OCIAD2: variants seen among roughly 807,000 people sequenced by gnomAD.
OCIAD2 encodes OCIA domain containing 2, also known as OCIA domain-containing protein 2.
Under a neutral mutation model 22.9 loss-of-function variants are expected in OCIAD2, and 29 were observed. The ratio of observed to expected loss-of-function variants is 1.27; its 90% CI spans 0.94 to 1.73. OCIAD2 has a LOEUF of 1.73. Ranked by LOEUF, OCIAD2 falls within the 40% of genes most tolerant of loss-of-function variation. The probability of loss-of-function intolerance (pLI) is 0.00; values close to 1 mark genes in which losing one functional copy is unlikely to be tolerated. For synonymous variants in OCIAD2, 67 were observed against 60.2 expected, an observed-to-expected ratio of 1.11 and a Z score of -0.52; for missense variants, 189 against 180.3, an observed-to-expected ratio of 1.05 and a Z score of -0.28.
At chr4:48,895,234 A>T (rs1187371403) in intron 4 of OCIAD2, among the ~76,000 whole-genome samples, 1 of 152,212 alleles carries the variant, frequency 6.6e-6, no homozygotes. Flanking sequence ...GTAAGATAAT[A>T]CATTTGTGTT....
chr4:48,906,394 G>T (rs1388834478), intron 1 of OCIAD2, among the ~76,000 whole-genome samples: 2 of 152,158 alleles, frequency 1.3e-5, no homozygotes, highest in African/African-American at 2.4e-5. Context: ...GACGGCGGAC[G>T]GGGGACACTG....
intron 6 of OCIAD2, among the ~76,000 whole-genome samples, chr4:48,886,780 G>A (rs1449416023): frequency 6.6e-5 from 10 of 151,616 alleles, no homozygotes; most frequent in Non-Finnish European, 1.2e-4. Context: ...TTGCTATTGT[G>A]AATAGTGCCA....
intron 6 of OCIAD2, among the ~76,000 whole-genome samples, chr4:48,889,866 AC>A (rs1463651028): frequency 4.6e-5 from 7 of 152,222 alleles, no homozygotes; most frequent in Non-Finnish European, 1.0e-4. Context: ...CAAATGTCCA[AC>A]AATGATAGAC....
At position 48,892,815 on chromosome 4, in the gene OCIAD2, CA is replaced by C; in HGVS notation, c.339del (p.Phe113LeufsTer27). 1.2e-6 allele frequency: 2 copies of C among 1,612,368 alleles called. No homozygotes were observed. Among genetic ancestry groups the C allele is most frequent in the South Asian group, 1.1e-5 (1 of 90,766 alleles). On this transcript the variant is annotated frameshift_variant, in exon 6 of 7. Transcript: ENST00000508632. LOFTEE classifies it high-confidence loss of function. ...AAACCAGCCCCACGGAGCTGATCTT[CA>C]AAAAAATGGAATTTACTCTGGCATA... The part of the protein sequence containing the change: ...IGVCQSKFHF[F>X]EDQLRGAGFG...
chr4:48,904,673 A>G, intron 1 of OCIAD2, 62 bp from the exon 2 acceptor site: 2 of 867,784 alleles, frequency 2.3e-6, no homozygotes. Flanking sequence ...GCTTAAAAGC[A>G]TCCTGAGGAT....
chr4:48,895,303 CT>C (rs1406462722), intron 4 of OCIAD2, among the ~76,000 whole-genome samples: 1 of 152,114 alleles, frequency 6.6e-6, no homozygotes, highest in Non-Finnish European at 1.5e-5. Flanking sequence ...ATATCAAACT[CT>C]GAAAAAAATG....
chr4:48,899,016 A>G (rs944814649), intron 3 of OCIAD2, among the ~76,000 whole-genome samples: 5 of 152,212 alleles, frequency 3.3e-5, no homozygotes, highest in Admixed American at 1.3e-4. Context: ...CAGAAAACAC[A>G]TGAATTTCTG....
At chr4:48,889,315 G>A (rs1255673414) in intron 6 of OCIAD2, among the ~76,000 whole-genome samples, 1 of 152,034 alleles carries the variant, frequency 6.6e-6, no homozygotes. Flanking sequence ...ATTTTTTGAA[G>A]GGTTTTTTAT....
At chr4:48,899,783 T>A (rs1781376814) in intron 3 of OCIAD2, 46 bp downstream of exon 3, 2 of 1,310,034 alleles carry the variant, frequency 1.5e-6, no homozygotes, top group Non-Finnish European at 2.2e-6. Flanking sequence ...TCTAATATGA[T>A]ATTTAGGCAG....
intron 2 of OCIAD2, among the ~76,000 whole-genome samples, chr4:48,901,990 C>A (rs946073337): frequency 6.6e-6 from 1 of 152,058 alleles, no homozygotes; most frequent in Non-Finnish European, 1.5e-5. Context: ...TGGTCTTGAA[C>A]CCCTGGACTC....
At chr4:48,906,269 A>G (rs1781522795) in intron 1 of OCIAD2, among the ~76,000 whole-genome samples, 1 of 152,020 alleles carries the variant, frequency 6.6e-6, no homozygotes, top group South Asian at 2.1e-4. Flanking sequence ...GTGGTGGGGA[A>G]GGGACCCGTG....
chr4:48,897,630 C>T (rs1298746461), intron 4 of OCIAD2, among the ~76,000 whole-genome samples, 174 bp downstream of exon 4: 1 of 152,172 alleles, frequency 6.6e-6, no homozygotes, highest in East Asian at 1.9e-4. Flanking sequence ...TTCACTAATT[C>T]TGGGGATTAG....
intron 6 of OCIAD2, among the ~76,000 whole-genome samples, chr4:48,890,643 G>A (rs372688178): frequency 1.6e-4 from 25 of 152,116 alleles, no homozygotes; most frequent in Admixed American, 4.6e-4. Context: ...AATAATATTC[G>A]CATTTGAATA....
chr4:48,894,865 C>T (rs1163020624), intron 4 of OCIAD2, among the ~76,000 whole-genome samples: 5 of 152,136 alleles, frequency 3.3e-5, no homozygotes, highest in Non-Finnish European at 2.9e-5. Context: ...TACCCACATC[C>T]GAATTCCTGG....
chr4:48,889,853 A>T (rs1781114559), intron 6 of OCIAD2, among the ~76,000 whole-genome samples: 1 of 152,220 alleles, frequency 6.6e-6, no homozygotes, highest in African/African-American at 2.4e-5. Context: ...CTTGGAACCA[A>T]CCCAAATGTC....
intron 3 of OCIAD2, among the ~76,000 whole-genome samples, chr4:48,899,100 C>T (rs1781362999): frequency 6.6e-6 from 1 of 152,118 alleles, no homozygotes; most frequent in South Asian, 2.1e-4. Flanking sequence ...AAACAGGTGA[C>T]ACTAAATTTG....
chr4:48,888,219 G>C lies in OCIAD2; in HGVS notation c.384-2654C>G, dbSNP rs1781050493. Among the ~76,000 whole-genome samples the C allele has an allele frequency of 2.6e-5, 4 of 152,274 alleles. No homozygotes were observed. In the South Asian group the frequency reaches 8.3e-4, roughly 32 times the overall value. On this transcript the variant is annotated intron_variant, in intron 6 of 6. Coordinates refer to ENST00000508632, the MANE Select transcript of OCIAD2 (RefSeq NM_001014446.3). ...GAGACTTTGCTGAAGTTGCTTATCA[G>C]CTTAAGGAGATTTTGGGCTGAGATG...
intron 1 of OCIAD2, among the ~76,000 whole-genome samples, chr4:48,906,120 T>C (rs892459410): frequency 3.6e-4 from 55 of 152,344 alleles, no homozygotes; most frequent in African/African-American, 1.3e-3. Flanking sequence ...AATATACCTC[T>C]CAGCTTCGGT....
At chr4:48,897,297 T>G in intron 4 of OCIAD2, 1 of 159,616 alleles carries the variant, frequency 6.3e-6, no homozygotes, top group Non-Finnish European at 1.4e-5. Flanking sequence ...AAAACCAAGG[T>G]TTTAACTGTG....
Sources: allele counts gnomAD v4.1 joint callset (sites outside exome capture counted in the v4.1 genomes callset), GRCh38; gene constraint gnomAD v4.1.1; transcripts MANE v1.5; gene names NCBI Gene and HGNC (gene_info 2026-07-23, HGNC 2026-07-21).